The following ANO6 variants were observed in gnomAD, a reference collection of about 807,000 sequenced individuals.
ANO6 encodes the protein anoctamin 6.
ANO6 carries 106 observed loss-of-function variants against 117.5 expected under a neutral mutation model. The observed-to-expected ratio is 0.90, with a 90% CI of 0.77 to 1.06. ANO6 has a LOEUF of 1.06. Among genes scored for constraint, ANO6 ranks in the 50% least tolerant of loss-of-function variants. The probability of loss-of-function intolerance (pLI) is 0.00; values close to 1 mark genes in which losing one functional copy is unlikely to be tolerated. For synonymous variants in ANO6, 367 were observed against 385.1 expected, an observed-to-expected ratio of 0.95 and a Z score of 0.55; for missense variants, 955 against 1,121.1, an observed-to-expected ratio of 0.85 and a Z score of 2.12.
Position 45,276,771 on chromosome 12 carries a change from G to A in ANO6, c.71-25243G>A, listed in dbSNP as rs1462543867. 2.0e-5 allele frequency among the ~76,000 whole-genome samples: 3 copies of A among 152,284 alleles called. No homozygotes were observed. The East Asian group carries it at 5.8e-4, about 29-fold the overall frequency. ...CTAGCACGTGCCTGGCATATAGTAG[G>A]TGCCAGAACAGTGATTCTTACGTTT... is the stretch of plus-strand genomic sequence containing the variant. On this transcript the variant is annotated intron_variant, in intron 1 of 19. Coordinates refer to ENST00000320560, the MANE Select transcript of ANO6 (RefSeq NM_001025356.3).
At chr12:45,265,971 GA>G (rs1320017269) in intron 1 of ANO6, among the ~76,000 whole-genome samples, 1 of 152,178 alleles carries the variant, frequency 6.6e-6, no homozygotes, top group Non-Finnish European at 1.5e-5. Context: ...TATACTCAAG[GA>G]TAAGGCAGAC....
chr12:45,220,139 C>T (rs938112914), intron 1 of ANO6, among the ~76,000 whole-genome samples: 1 of 152,064 alleles, frequency 6.6e-6, no homozygotes, highest in Non-Finnish European at 1.5e-5. Context: ...CAATTCTGTT[C>T]TCTGTGGTCA....
intron 2 of ANO6, among the ~76,000 whole-genome samples, chr12:45,319,090 A>G (rs1201564715): frequency 6.6e-6 from 1 of 152,144 alleles, no homozygotes. Context: ...CTGTTTTCCT[A>G]ATTGAATGTC....
intron 2 of ANO6, among the ~76,000 whole-genome samples, chr12:45,317,480 C>G (rs1940089146): frequency 6.6e-6 from 1 of 151,642 alleles, no homozygotes; most frequent in African/African-American, 2.4e-5. Context: ...CATAGTATTC[C>G]ATGGTGTATA....
intron 9 of ANO6, among the ~76,000 whole-genome samples, chr12:45,371,330 C>A (rs1450688169): frequency 6.6e-6 from 1 of 152,198 alleles, no homozygotes; most frequent in African/African-American, 2.4e-5. Flanking sequence ...ACAAAGCAGC[C>A]AGGAAGCTCG....
chr12:45,423,262 A>T (rs1341682958), intron 19 of ANO6, among the ~76,000 whole-genome samples, 200 bp downstream of exon 19: 1 of 152,234 alleles, frequency 6.6e-6, no homozygotes, highest in Non-Finnish European at 1.5e-5. Flanking sequence ...AAAGTTTAAA[A>T]GCATGTTATG....
intron 1 of ANO6, chr12:45,256,606 T>C (rs1021736290): frequency 6.6e-6 from 1 of 152,040 alleles, no homozygotes; most frequent in African/African-American, 2.4e-5. Flanking sequence ...CTTGCTATTA[T>C]AATCATATTG....
intron 8 of ANO6, among the ~76,000 whole-genome samples, chr12:45,367,031 G>C (rs1430527453): frequency 6.6e-6 from 1 of 152,104 alleles, no homozygotes; most frequent in Admixed American, 6.5e-5. Context: ...ACCCAGGCTG[G>C]AGTGCAGTGG....
intron 1 of ANO6, 128 bp from the exon 2 acceptor site, chr12:45,301,886 T>C (rs915892756): frequency 6.4e-6 from 5 of 779,592 alleles, no homozygotes; most frequent in Admixed American, 4.2e-5. Flanking sequence ...GCTGAAAGGG[T>C]TAAATAATAT....
chr12:45,308,123 G>A (rs938529848), intron 2 of ANO6, among the ~76,000 whole-genome samples: 10 of 140,274 alleles, frequency 7.1e-5, no homozygotes, highest in African/African-American at 2.4e-4. Flanking sequence ...GGTGATTACC[G>A]TGAAGAGAGT....
chr12:45,325,030 A>G (rs1432595053), intron 2 of ANO6, among the ~76,000 whole-genome samples: 3 of 151,948 alleles, frequency 2.0e-5, no homozygotes, highest in Non-Finnish European at 4.4e-5. Context: ...TAAGCTAAAG[A>G]TAGTTGAAGT....
Position 45,429,630 on chromosome 12 carries a change from CTGTT to C in ANO6, c.*322_*325del. On this transcript the variant is annotated 3_prime_UTR_variant, in exon 20 of 20. Coordinates refer to ENST00000320560, the MANE Select transcript of ANO6 (RefSeq NM_001025356.3). Reference sequence around the variant, plus strand: ...TAAAGTAGAATGGATTCTTTTTTTTCTGTTTGATTATTTTCATTTCTGTCTATTC... The same window carrying C: ...TAAAGTAGAATGGATTCTTTTTTTTCTGATTATTTTCATTTCTGTCTATTC... 1 of 1,166,142 alleles carries C rather than the reference CTGTT, an allele frequency of 8.6e-7. No homozygotes were observed. Among genetic ancestry groups the C allele is most frequent in the Non-Finnish European group, 1.1e-6 (1 of 938,702 alleles). The allele number at this position is 1,166,142 out of a possible 1,614,324, so 72.2% of individuals were successfully genotyped here. A position where few individuals can be genotyped will look rare whatever the true frequency, so the allele number is the denominator to read the frequency against.
chr12:45,326,875 G>A (rs533875559), intron 2 of ANO6, among the ~76,000 whole-genome samples: 4 of 152,264 alleles, frequency 2.6e-5, no homozygotes, highest in East Asian at 1.9e-4. Flanking sequence ...CACCATCCAG[G>A]GATGCATAGG....
intron 3 of ANO6, among the ~76,000 whole-genome samples, chr12:45,344,590 T>G (rs1417429127): frequency 6.6e-6 from 1 of 152,108 alleles, no homozygotes; most frequent in Non-Finnish European, 1.5e-5. Flanking sequence ...TCCGCCCCCA[T>G]GATTAAATCA....
At chr12:45,276,268 T>G (rs1938551932) in intron 1 of ANO6, among the ~76,000 whole-genome samples, 1 of 152,210 alleles carries the variant, frequency 6.6e-6, no homozygotes, top group Admixed American at 6.5e-5. Context: ...TCACCTGGAC[T>G]TCAACATTAG....
chr12:45,334,017 G>A (rs1328450064), intron 3 of ANO6, among the ~76,000 whole-genome samples: 3 of 151,978 alleles, frequency 2.0e-5, no homozygotes, highest in African/African-American at 7.2e-5. Flanking sequence ...CAAAAACATA[G>A]AGTATTTAAA....
chr12:45,260,795 T>A (rs1165407860), intron 1 of ANO6, among the ~76,000 whole-genome samples: 1 of 152,068 alleles, frequency 6.6e-6, no homozygotes, highest in Admixed American at 6.6e-5. Flanking sequence ...TTTATTTATT[T>A]TTTTTTAAGA....
Position 45,314,580 on chromosome 12 carries a change from A to G in ANO6, c.150+12487A>G, listed in dbSNP as rs576068968. Among the ~76,000 whole-genome samples, 56 of 151,856 alleles carry G rather than the reference A, an allele frequency of 3.7e-4. No individual in the cohort carries two copies. The South Asian group carries it at 0.01, about 28-fold the overall frequency. ...TACATATACATATATGTGTATATCT[A>G]TATAAAATCAGGTTTGTATTTTTGA... is the stretch of plus-strand genomic sequence containing the variant. On this transcript the variant is annotated intron_variant, in intron 2 of 19. Transcript: ENST00000320560.
chr12:45,406,070 C>G (rs529380518), intron 15 of ANO6, among the ~76,000 whole-genome samples: 1 of 152,332 alleles, frequency 6.6e-6, no homozygotes, highest in East Asian at 1.9e-4. Context: ...GTACCCTCCT[C>G]TTCCTTCCTT....
Sources: gnomAD v4.1 joint callset for allele counts (sites outside exome capture counted in the v4.1 genomes callset) on GRCh38, gnomAD v4.1.1 for gene constraint, MANE v1.5 for transcripts, NCBI Gene and HGNC (gene_info 2026-07-23, HGNC 2026-07-21) for gene names.